EHD4: variants seen among roughly 807,000 people sequenced by gnomAD.
The protein encoded by EHD4 is EH domain containing 4.
In EHD4, 37 loss-of-function variants were observed where a neutral mutation model predicts 51.0. The observed-to-expected ratio is 0.73, with a 90% CI of 0.56 to 0.95. The LOEUF is 0.95. Ranked by LOEUF, EHD4 falls within the 40% of genes least tolerant of loss-of-function variation. The probability of loss-of-function intolerance (pLI) is 0.00; values close to 1 mark genes in which losing one functional copy is unlikely to be tolerated. For missense variants in EHD4, 632 were observed against 733.1 expected (o/e 0.86, Z 1.59); for synonymous variants, 297 against 317.3 (o/e 0.94, Z 0.68).
Position 41,900,648 on chromosome 15 carries a change from G to C in EHD4, c.1623C>G (p.Asp541Glu). 3.8e-6 allele frequency: 6 copies of C among 1,587,028 alleles called. No individual in the cohort carries two copies. The highest frequency in any genetic ancestry group is 5.1e-6 in the Non-Finnish European group (6 of 1,170,488). ...PSHRKSLPKA[D>E] is the part of the protein sequence containing the mutation. ...ACCCCGTTCTGCAGCCCACCCCTCA[G>C]TCGGCCTTGGGCAGGGACTTCCTGT... The change falls in exon 6 of 6, where the codon GAC (aspartate) becomes GAG (glutamate). Residue 541 changes from aspartate to glutamate, a missense_variant. By Grantham distance (45) the Asp-to-Glu change is conservative. Transcript: ENST00000220325. The surrounding 1 kb of genome is among the most constrained non-coding windows in gnomAD (Gnocchi z 4.8).
intron 4 of EHD4, among the ~76,000 whole-genome samples, chr15:41,911,457 C>T (rs1054349027): frequency 1.3e-5 from 2 of 151,318 alleles, no homozygotes; most frequent in Admixed American, 6.6e-5. Flanking sequence ...CCTTTGCCTC[C>T]GACAGTGAAT....
chr15:41,903,560 T>C (rs1351986949), intron 5 of EHD4, among the ~76,000 whole-genome samples: 1 of 152,060 alleles, frequency 6.6e-6, no homozygotes, highest in African/African-American at 2.4e-5. Context: ...TTACATAACC[T>C]TTCTCTTAAC....
Position 41,958,361 on chromosome 15 carries a change from G to A in EHD4, c.237-4421C>T, listed in dbSNP as rs542391447. On this transcript the variant is annotated intron_variant, in intron 1 of 5. Coordinates refer to ENST00000220325, the MANE Select transcript of EHD4 (RefSeq NM_139265.4). ...GCGGAAGGGATGGTGGGATGGATGG[G>A]AGACCTGACATCCCCTTGTCCTGGT... Among the ~76,000 whole-genome samples, 206 of 152,184 alleles carry A rather than the reference G, an allele frequency of 1.4e-3. 1 individual carries two copies. Among genetic ancestry groups the A allele is most frequent in the African/African-American group, 4.7e-3 (197 of 41,526 alleles).
intron 3 of EHD4, among the ~76,000 whole-genome samples, chr15:41,931,875 C>A (rs933519306): frequency 6.6e-6 from 1 of 152,042 alleles, no homozygotes; most frequent in Admixed American, 6.6e-5. Context: ...CAGGGTTTCA[C>A]CATGTTGGTC....
intron 3 of EHD4, among the ~76,000 whole-genome samples, chr15:41,930,658 T>C (rs552586714): frequency 6.6e-6 from 1 of 152,328 alleles, no homozygotes; most frequent in Non-Finnish European, 1.5e-5. Flanking sequence ...GTGTCCTGCA[T>C]GCCTGTGGAC....
intron 5 of EHD4, among the ~76,000 whole-genome samples, chr15:41,907,824 C>CTGTGTGTGTGTGTGTGTGTGTG (rs10522331): frequency 1.5e-5 from 2 of 132,028 alleles, no homozygotes; most frequent in Non-Finnish European, 1.6e-5. Flanking sequence ...CGCCCAGGCT[C>CTGTGTGTGTGTGTGTGTGTGTG]TGTGTGTGTG....
At chr15:41,962,643 G>T (rs1271952534) in intron 1 of EHD4, among the ~76,000 whole-genome samples, 2 of 151,968 alleles carry the variant, frequency 1.3e-5, no homozygotes, top group Non-Finnish European at 2.9e-5. Flanking sequence ...TAAAAAGAGC[G>T]CCCGGCCAGC....
intron 3 of EHD4, among the ~76,000 whole-genome samples, chr15:41,938,780 G>C (rs2140997188): frequency 6.6e-6 from 1 of 152,256 alleles, no homozygotes; most frequent in East Asian, 1.9e-4. Context: ...AATAATCTGT[G>C]GTTAAAACAG....
chr15:41,908,651 A>C (rs180842561), intron 5 of EHD4: 2 of 152,208 alleles, frequency 1.3e-5, no homozygotes. Context: ...TGAGCCTTCC[A>C]GGTCTGTAGT....
At chr15:41,903,888 G>A (rs1262122111) in intron 5 of EHD4, among the ~76,000 whole-genome samples, 1 of 152,154 alleles carries the variant, frequency 6.6e-6, no homozygotes, top group African/African-American at 2.4e-5. Context: ...CAGAGCAGCG[G>A]GTACTGCAGG....
chr15:41,922,603 G>A (rs928357347), intron 3 of EHD4, among the ~76,000 whole-genome samples: 39 of 152,124 alleles, frequency 2.6e-4, no homozygotes, highest in Admixed American at 9.2e-4. Context: ...TCCCAGGGCC[G>A]CCTGGGTTGA....
intron 2 of EHD4, among the ~76,000 whole-genome samples, chr15:41,944,003 C>T (rs1454652210): frequency 1.3e-5 from 2 of 152,234 alleles, no homozygotes; most frequent in African/African-American, 2.4e-5. Context: ...ATACCATCTC[C>T]TCCTCCTGAT....
At chr15:41,916,952 T>C (rs910456119) in intron 4 of EHD4, among the ~76,000 whole-genome samples, 1 of 152,206 alleles carries the variant, frequency 6.6e-6, no homozygotes, top group Non-Finnish European at 1.5e-5. Context: ...AGGGTTTTCA[T>C]TATTCACAGT....
At chr15:41,921,110 C>G (rs74014644) in intron 3 of EHD4, among the ~76,000 whole-genome samples, 1,820 of 152,226 alleles carry the variant, frequency 0.012, 39 homozygotes, top group African/African-American at 0.042. Flanking sequence ...ATAAAGAAAA[C>G]AAGACAGTTG....
chr15:41,909,182 G>T (rs1361299651), intron 5 of EHD4, among the ~76,000 whole-genome samples: 4 of 152,256 alleles, frequency 2.6e-5, no homozygotes, highest in Admixed American at 2.6e-4. Context: ...GCCAATGGCT[G>T]CCCAGCACCA....
chr15:41,943,273 C>T (rs2067788951), intron 2 of EHD4, 109 bp from the exon 3 acceptor site: 2 of 753,340 alleles, frequency 2.7e-6, no homozygotes, highest in East Asian at 5.8e-5. Flanking sequence ...AAGTGGGGGC[C>T]TGAAGGAGAC....
chr15:41,945,939 C>G (rs1294543507), intron 2 of EHD4, among the ~76,000 whole-genome samples: 2 of 152,208 alleles, frequency 1.3e-5, no homozygotes, highest in Non-Finnish European at 2.9e-5. Flanking sequence ...CGTGTGACTC[C>G]TCTGCGCCCA....
At chr15:41,918,242 A>ACACACACACACACGCGCG (rs1347109024) in intron 4 of EHD4, among the ~76,000 whole-genome samples, 16 of 130,476 alleles carry the variant, frequency 1.2e-4, no homozygotes, top group African/African-American at 4.5e-4. Flanking sequence ...ACACACACAC[A>ACACACACACACACGCGCG]CGCGCATGTT....
At chr15:41,930,722 C>A (rs538159736) in intron 3 of EHD4, among the ~76,000 whole-genome samples, 74 of 152,268 alleles carry the variant, frequency 4.9e-4, no homozygotes, top group Admixed American at 4.8e-3. Flanking sequence ...CTAACCAGCT[C>A]CTCAAGCCAA....
Sources: allele counts gnomAD v4.1 joint callset (sites outside exome capture counted in the v4.1 genomes callset), GRCh38; gene constraint gnomAD v4.1.1; non-coding constraint Gnocchi (gnomAD v3.1); transcripts MANE v1.5; gene names NCBI Gene and HGNC (gene_info 2026-07-23, HGNC 2026-07-21).